CATSPERD: variants seen among roughly 807,000 people sequenced by gnomAD.
The protein encoded by CATSPERD is cation channel sperm-associated auxiliary subunit delta.
In CATSPERD, 86 loss-of-function variants were observed where a neutral mutation model predicts 98.1. That is an observed-to-expected ratio of 0.88 (90% CI 0.74 to 1.05). The LOEUF (loss-of-function observed/expected upper bound fraction) is 1.05, where lower values mean the gene tolerates loss of function less well. Ranked by LOEUF, CATSPERD falls within the 50% of genes least tolerant of loss-of-function variation. The probability of loss-of-function intolerance (pLI) is 0.00; values close to 1 mark genes in which losing one functional copy is unlikely to be tolerated. For missense variants in CATSPERD, 995 were observed against 1,005.7 expected, an observed-to-expected ratio of 0.99 and a Z score of 0.14; for synonymous variants, 394 against 390.2, an observed-to-expected ratio of 1.01 and a Z score of -0.12.
At chr19:5,731,411 C>T (rs920814908) in intron 4 of CATSPERD, among the ~76,000 whole-genome samples, 7 of 151,882 alleles carry the variant, frequency 4.6e-5, no homozygotes, top group African/African-American at 1.2e-4. Flanking sequence ...TTGCTTGAGC[C>T]GGGAGCTAGA....
intron 6 of CATSPERD, 21 bp from the exon 7 acceptor site, chr19:5,739,305 C>T (rs1215901263): frequency 8.8e-6 from 11 of 1,256,800 alleles, no homozygotes; most frequent in African/African-American, 3.0e-5. Context: ...TTCATTCTTT[C>T]TTTCTTTTTT....
chr19:5,761,222 C>T (rs986723223), intron 15 of CATSPERD, among the ~76,000 whole-genome samples: 5 of 152,060 alleles, frequency 3.3e-5, no homozygotes, highest in African/African-American at 1.2e-4. Flanking sequence ...TTGCCTCAGC[C>T]TCTCGAGTAG....
At chr19:5,774,957 C>T (rs991299662) in intron 20 of CATSPERD, among the ~76,000 whole-genome samples, 3 of 152,200 alleles carry the variant, frequency 2.0e-5, no homozygotes, top group African/African-American at 2.4e-5. Flanking sequence ...GTAGACATCG[C>T]GGTGATCCCA....
chr19:5,766,158 A>C lies in CATSPERD; in HGVS notation c.1559+3A>C. The C allele has an allele frequency of 2.5e-6, 4 of 1,612,618 alleles. No homozygotes were observed. The highest frequency in any genetic ancestry group is 3.4e-6 in the Non-Finnish European group (4 of 1,179,286). ...GATAAAAAGATCGTCATCCAGAAGT[A>C]AGTATGTTGAGGCCGGGCACCATGG... On this transcript the variant is annotated splice_donor_region_variant and intron_variant, in intron 17 of 21. Transcript: ENST00000381624.
rs548937588 is a variant in CATSPERD, at chr19:5,778,555, C to G, written c.2276C>G (p.Ala759Gly). Residue 759 changes from alanine to glycine, a missense_variant, in exon 22 of 22, where the codon GCG becomes GGG. Coordinates refer to ENST00000381624, the MANE Select transcript of CATSPERD (RefSeq NM_152784.4). ...CGCGGCCGCAGGATCAAGAAGTGTGCGACACAGCTGTGTAGGAGATGCAAG... is the reference window on the plus strand; with the variant it reads ...CGCGGCCGCAGGATCAAGAAGTGTGGGACACAGCTGTGTAGGAGATGCAAG... ...TARGRRIKKC[A>G]TQLCRRCKTV... 2.4e-5 allele frequency: 38 copies of G among 1,613,774 alleles called. No individual in the cohort carries two copies. The highest frequency in any genetic ancestry group is 8.5e-6 in the Non-Finnish European group (10 of 1,180,036).
chr19:5,776,219 AG>A lies in CATSPERD; in HGVS notation c.2001del (p.Gln667HisfsTer62). 4.3e-6 allele frequency: 7 copies of A among 1,614,206 alleles called. No homozygotes were observed. Among genetic ancestry groups the A allele is most frequent in the Non-Finnish European group, 5.1e-6 (6 of 1,180,034 alleles). The part of the protein sequence containing the change: ...NNAPLRWPDV[Q>X]YQILGGRTAN... ...GCCCCTTTGAGGTGGCCAGACGTCC[AG>A]TATCAGATCTTGGGCGGCCGGACAG... On this transcript the variant is annotated frameshift_variant, in exon 21 of 22. Transcript: ENST00000381624. LOFTEE classifies it high-confidence loss of function.
chr19:5,734,085 T>G (rs2055791153), intron 5 of CATSPERD, 115 bp downstream of exon 5: 3 of 634,474 alleles, frequency 4.7e-6, no homozygotes, highest in South Asian at 4.1e-5. Context: ...CCCAGGACAT[T>G]ACTTTGTCCT....
At chr19:5,777,799 C>T (rs1353275816) in intron 21 of CATSPERD, among the ~76,000 whole-genome samples, 3 of 151,864 alleles carry the variant, frequency 2.0e-5, no homozygotes, top group South Asian at 2.1e-4. Flanking sequence ...CGCTTGAACC[C>T]GGGAGGCAGA....
chr19:5,761,327 C>G (rs1283527794), intron 15 of CATSPERD, among the ~76,000 whole-genome samples: 6 of 152,094 alleles, frequency 3.9e-5, no homozygotes, highest in Non-Finnish European at 7.3e-5. Context: ...GTCTTGAACT[C>G]CTGACCTCAG....
intron 14 of CATSPERD, among the ~76,000 whole-genome samples, 192 bp downstream of exon 14, chr19:5,758,124 G>A (rs370691749): frequency 7.9e-5 from 12 of 152,202 alleles, no homozygotes; most frequent in East Asian, 1.9e-4. Flanking sequence ...GGAGAGACCC[G>A]GATGGCATGA....
chr19:5,746,649 G>A (rs771533509), intron 9 of CATSPERD, among the ~76,000 whole-genome samples: 25 of 151,854 alleles, frequency 1.6e-4, no homozygotes, highest in Non-Finnish European at 2.8e-4. Context: ...TAGCCAGGAT[G>A]GTCTCCATCT....
chr19:5,729,831 G>T (rs1302267246), intron 3 of CATSPERD, 41 bp from the exon 4 acceptor site: 2 of 1,247,692 alleles, frequency 1.6e-6, no homozygotes, highest in South Asian at 1.3e-5. Context: ...CTTTCCTTGT[G>T]TGACATTATC....
At chr19:5,722,997 G>A (rs891019413) in intron 1 of CATSPERD, among the ~76,000 whole-genome samples, 5 of 151,726 alleles carry the variant, frequency 3.3e-5, no homozygotes, top group Non-Finnish European at 7.4e-5. Context: ...GACCATCCTG[G>A]CTAACACGGT....
At chr19:5,751,456 C>A (rs1380045099) in intron 11 of CATSPERD, among the ~76,000 whole-genome samples, 191 bp from the exon 12 acceptor site, 1 of 134,806 alleles carries the variant, frequency 7.4e-6, no homozygotes, top group Non-Finnish European at 1.5e-5. Flanking sequence ...ATGGCGTGAA[C>A]CCGGGAGGCG....
At chr19:5,775,032 T>C (rs1000874507) in intron 20 of CATSPERD, among the ~76,000 whole-genome samples, 5 of 151,744 alleles carry the variant, frequency 3.3e-5, no homozygotes, top group South Asian at 2.1e-4. Context: ...AAAAAAGTCA[T>C]TGGAAGCGCC....
intron 12 of CATSPERD, among the ~76,000 whole-genome samples, 174 bp downstream of exon 12, chr19:5,751,997 CA>C (rs201946322): frequency 1.3e-5 from 2 of 151,270 alleles, no homozygotes; most frequent in Admixed American, 1.3e-4. Context: ...ATTTCTAAAA[CA>C]AAAAAAAATT....
intron 2 of CATSPERD, among the ~76,000 whole-genome samples, chr19:5,725,673 G>A (rs1403612322): frequency 1.2e-4 from 19 of 152,056 alleles, no homozygotes; most frequent in Admixed American, 3.9e-4. Flanking sequence ...AGGCCGAGGC[G>A]GGCGGATCCC....
intron 4 of CATSPERD, among the ~76,000 whole-genome samples, chr19:5,730,219 G>A (rs1006823760): frequency 3.9e-5 from 6 of 152,136 alleles, no homozygotes; most frequent in Non-Finnish European, 7.3e-5. Context: ...ATAGATAGAT[G>A]GGATGGTATC....
At chr19:5,770,838 C>T in intron 18 of CATSPERD, 106 bp from the exon 19 acceptor site, 1 of 1,377,458 alleles carries the variant, frequency 7.3e-7, no homozygotes, top group Non-Finnish European at 9.9e-7. Context: ...TCCTGCCACT[C>T]TCATGGACGA....
Sources: allele counts gnomAD v4.1 joint callset (sites outside exome capture counted in the v4.1 genomes callset), GRCh38; gene constraint gnomAD v4.1.1; transcripts MANE v1.5; gene names NCBI Gene and HGNC (gene_info 2026-07-23, HGNC 2026-07-21).